The following MDFIC variants were observed in gnomAD, a reference collection of about 807,000 sequenced individuals.
MDFIC encodes the protein MyoD family inhibitor domain containing, also known as myoD family inhibitor domain-containing protein.
MDFIC carries 17 observed loss-of-function variants against 23.2 expected under a neutral mutation model. The observed-to-expected ratio is 0.73, with a 90% CI of 0.50 to 1.10. MDFIC has a LOEUF of 1.10. Ranked by LOEUF, MDFIC falls within the 50% of genes least tolerant of loss-of-function variation. The pLI is 0.00. For synonymous variants in MDFIC, 120 were observed against 115.2 expected, an observed-to-expected ratio of 1.04 and a Z score of -0.27; for missense variants, 356 against 316.6, an observed-to-expected ratio of 1.12 and a Z score of -0.95.
intron 4 of MDFIC, among the ~76,000 whole-genome samples, chr7:114,982,091 C>T (rs562343978): frequency 3.1e-4 from 47 of 152,270 alleles, no homozygotes; most frequent in South Asian, 6.2e-4. Context: ...TTCTGTGAGT[C>T]TCTTTTTACA....
chr7:114,937,401 C>T (rs796512245), intron 2 of MDFIC, among the ~76,000 whole-genome samples: 15 of 152,300 alleles, frequency 9.8e-5, no homozygotes, highest in African/African-American at 3.6e-4. Flanking sequence ...ATCCAATGCC[C>T]TACAATGGCT....
intron 2 of MDFIC, among the ~76,000 whole-genome samples, chr7:114,927,644 A>G (rs1792219558): frequency 6.6e-6 from 1 of 152,196 alleles, no homozygotes; most frequent in Non-Finnish European, 1.5e-5. Flanking sequence ...TTCAGTAGAT[A>G]TTCTTGCTAC....
intron 3 of MDFIC, among the ~76,000 whole-genome samples, chr7:114,968,391 G>C (rs1378307766): frequency 2.0e-5 from 3 of 152,116 alleles, no homozygotes; most frequent in African/African-American, 7.2e-5. Context: ...TTGTGTTTAA[G>C]CTGTCTATCA....
chr7:114,995,940 A>G (rs1451105894), intron 4 of MDFIC, among the ~76,000 whole-genome samples: 1 of 152,172 alleles, frequency 6.6e-6, no homozygotes, highest in Non-Finnish European at 1.5e-5. Flanking sequence ...AGCTGTTCCT[A>G]TTTGGCCATC....
chr7:114,935,456 A>G, intron 2 of MDFIC, among the ~76,000 whole-genome samples: 1 of 152,244 alleles, frequency 6.6e-6, no homozygotes, highest in Middle Eastern at 3.4e-3. Flanking sequence ...CTGCCAATCA[A>G]CATAATTTGT....
At chr7:115,014,809 G>A (rs1791761532) in intron 4 of MDFIC, among the ~76,000 whole-genome samples, 1 of 152,066 alleles carries the variant, frequency 6.6e-6, no homozygotes, top group Non-Finnish European at 1.5e-5. Flanking sequence ...ATAAAGGAAT[G>A]GACATTAGAA....
chr7:114,965,582 G>A (rs776217151), intron 3 of MDFIC, among the ~76,000 whole-genome samples: 4 of 152,120 alleles, frequency 2.6e-5, no homozygotes, highest in Non-Finnish European at 4.4e-5. Flanking sequence ...TGACATTTGA[G>A]AGATACTTGT....
intron 4 of MDFIC, chr7:114,980,036 CT>C (rs1269793969): frequency 8.2e-6 from 4 of 486,234 alleles, no homozygotes; most frequent in East Asian, 4.0e-5. Context: ...TGCTATACTT[CT>C]TTTTTTAATG....
intron 4 of MDFIC, among the ~76,000 whole-genome samples, chr7:114,999,632 ATAGTT>A (rs1180489254): frequency 2.4e-4 from 36 of 152,130 alleles, no homozygotes; most frequent in Admixed American, 1.9e-3. Flanking sequence ...AAGGAACCTC[ATAGTT>A]TAAAGTTGAC....
chr7:114,977,034 G>A (rs1259157074), intron 3 of MDFIC, among the ~76,000 whole-genome samples: 2 of 151,696 alleles, frequency 1.3e-5, no homozygotes, highest in East Asian at 1.9e-4. Flanking sequence ...TTATAATCGC[G>A]AACAGAAAAA....
intron 2 of MDFIC, among the ~76,000 whole-genome samples, chr7:114,941,453 C>A (rs112574208): frequency 6.6e-6 from 1 of 152,182 alleles, no homozygotes; most frequent in Admixed American, 6.6e-5. Context: ...GGAGTTTGCC[C>A]GTGCTGTTCT....
chr7:114,923,038 C>A lies in MDFIC; in HGVS notation c.5C>A (p.Ser2Tyr). Residue 2 changes from serine (S) to tyrosine (Y), a missense_variant, in exon 2 of 5, where the codon TCC becomes TAC. Physicochemically the swap from Ser to Tyr is moderately radical, Grantham distance 144 (BLOSUM62 -2). Coordinates refer to ENST00000393486, the MANE Select transcript of MDFIC (RefSeq NM_001166345.3). M[S>Y]GAGEALAPGP... ...GCGGGCTCGGCGGAGCGGCCCATGTCCGGCGCGGGCGAAGCCCTCGCTCCC... is the reference window on the plus strand; with the variant it reads ...GCGGGCTCGGCGGAGCGGCCCATGTACGGCGCGGGCGAAGCCCTCGCTCCC... The A allele has an allele frequency of 7.3e-7, 1 of 1,370,290 alleles. No homozygotes were observed. 84.9% of individuals were successfully genotyped at this position (1,370,290 alleles called of 1,614,324 possible). A position where few individuals can be genotyped will look rare whatever the true frequency, so the allele number is the denominator to read the frequency against.
intron 4 of MDFIC, among the ~76,000 whole-genome samples, chr7:115,011,892 G>T (rs985928822): frequency 8.5e-5 from 13 of 152,190 alleles, no homozygotes; most frequent in Non-Finnish European, 1.9e-4. Context: ...TCTGTCATCA[G>T]CATAGCTGAG....
In MDFIC at chr7:114,979,649, C is replaced by T. The variant is rs372646755; in HGVS notation, c.361C>T (p.Arg121Cys). Reference sequence around the variant, plus strand: ...GGCCAAACACGGATCCGCAGATAATCGCAAACTTTCAGCACCTGTTTCTCA... The same window carrying T: ...GGCCAAACACGGATCCGCAGATAATTGCAAACTTTCAGCACCTGTTTCTCA... ...HGAKHGSADN[R>C]KLSAPVSQKM... Residue 121 changes from arginine to cysteine, a missense_variant, in exon 4 of 5, where the codon CGC (arginine) becomes TGC (cysteine). Physicochemically the swap from Arg to Cys is radical, Grantham distance 180 (BLOSUM62 -3). Transcript: ENST00000393486. The T allele has an allele frequency of 9.4e-5, 151 of 1,613,890 alleles. No individual in the cohort carries two copies. The highest frequency in any genetic ancestry group is 3.5e-4 in the Admixed American group (21 of 59,984).
rs76734784 is a variant in MDFIC at position 115,019,880 on chromosome 7, A to G, written c.*3945A>G. On this transcript the variant is annotated 3_prime_UTR_variant, in exon 5 of 5. Transcript: ENST00000393486. ...TAAAAGAGAATCCTTTCAACCCTTC[A>G]TCTTCGTATGCTTATACAATAAATT... Among the ~76,000 whole-genome samples the G allele has an allele frequency of 5.6e-4, 86 of 152,232 alleles. No homozygotes were observed. Among genetic ancestry groups the G allele is most frequent in the Non-Finnish European group, 1.1e-3 (73 of 67,996 alleles).
chr7:114,993,860 T>G (rs760880743), intron 4 of MDFIC, among the ~76,000 whole-genome samples: 5 of 152,208 alleles, frequency 3.3e-5, no homozygotes, highest in Non-Finnish European at 5.9e-5. Context: ...AGATGTCTAT[T>G]AGGTCTGTTT....
chr7:114,922,945 A>G lies in MDFIC; in HGVS notation c.-89A>G. On this transcript the variant is annotated 5_prime_UTR_variant, in exon 2 of 5. Coordinates refer to ENST00000393486, the MANE Select transcript of MDFIC (RefSeq NM_001166345.3). ...CCGCCAGAAGCAGTCAGTTCCCTGC[A>G]CCCAGCACCTCACAGCCCTTCCTCC... The G allele has an allele frequency of 6.3e-7, 1 of 1,590,530 alleles. No homozygotes were observed. Among genetic ancestry groups the G allele is most frequent in the Non-Finnish European group, 8.6e-7 (1 of 1,169,264 alleles).
rs373459055 is a variant in MDFIC, at chr7:114,934,438, G to A, written c.95-7837G>A. Among the ~76,000 whole-genome samples, 28 of 152,074 alleles carry A rather than the reference G, an allele frequency of 1.8e-4. No homozygotes were observed. The South Asian group carries it at 2.9e-3, about 16-fold the overall frequency. On this transcript the variant is annotated intron_variant, in intron 2 of 4. Transcript: ENST00000393486. ...TGCTGCACTTTATACCTATTCCTTC[G>A]CATATTTATACTCAATTGGATTTTC... is the stretch of plus-strand genomic sequence containing the variant.
chr7:114,963,310 T>C (rs933199733), intron 3 of MDFIC, among the ~76,000 whole-genome samples: 1 of 152,212 alleles, frequency 6.6e-6, no homozygotes, highest in African/African-American at 2.4e-5. Context: ...TAAATATACA[T>C]CCAGAGGACA....
Sources: gnomAD v4.1 joint callset for allele counts (sites outside exome capture counted in the v4.1 genomes callset) on GRCh38, gnomAD v4.1.1 for gene constraint, MANE v1.5 for transcripts, NCBI Gene and HGNC (gene_info 2026-07-23, HGNC 2026-07-21) for gene names.